The following SPHKAP variants were observed in gnomAD, a reference collection of about 807,000 sequenced individuals.
SPHKAP encodes A-kinase anchor protein SPHKAP.
In SPHKAP, 67 loss-of-function variants were observed where a neutral mutation model predicts 137.5. The observed-to-expected ratio is 0.49, with a 90% confidence interval of 0.40 to 0.60. SPHKAP has a LOEUF of 0.60. SPHKAP is among the 20% of genes least tolerant of loss of function. The pLI is 0.00. For missense variants in SPHKAP, 2,097 were observed against 2,069.3 expected, an observed-to-expected ratio of 1.01 and a Z score of -0.26; for synonymous variants, 813 against 785.3, an observed-to-expected ratio of 1.04 and a Z score of -0.59.
intron 3 of SPHKAP, among the ~76,000 whole-genome samples, chr2:228,069,714 A>T (rs1247055504): frequency 6.6e-6 from 1 of 152,192 alleles, no homozygotes; most frequent in Admixed American, 6.5e-5. Context: ...TAATGCACAG[A>T]TAACGGGTAC....
Position 228,017,397 on chromosome 2 carries a change from C to T in SPHKAP, c.3457G>A (p.Gly1153Ser), listed in dbSNP as rs1559348537. 1.9e-6 allele frequency: 3 copies of T among 1,614,068 alleles called. No individual in the cohort carries two copies. Among genetic ancestry groups the T allele is most frequent in the Non-Finnish European group, 1.7e-6 (2 of 1,180,004 alleles). Residue 1153 changes from glycine to serine, a missense_variant, in exon 7 of 12, where the codon GGC becomes AGC. By Grantham distance (56) the Gly-to-Ser change is moderately conservative. Transcript: ENST00000392056. ...GFELLLDYYA[G>S]KNASSILNSA... ...TTCAGAATGCTGCTGGCGTTCTTGC[C>T]AGCATAGTAATCCAGCAGTAACTCA...
At chr2:228,074,836 C>T (rs978605649) in intron 3 of SPHKAP, among the ~76,000 whole-genome samples, 10 of 152,118 alleles carry the variant, frequency 6.6e-5, no homozygotes, top group Non-Finnish European at 1.5e-4. Context: ...TCTTCCTTCT[C>T]TCTCTCTCCT....
chr2:228,001,264 T>TATATCTATAC (rs1559339469), intron 7 of SPHKAP, among the ~76,000 whole-genome samples: 1 of 119,014 alleles, frequency 8.4e-6, no homozygotes, highest in Non-Finnish European at 1.7e-5. Flanking sequence ...CACACACACA[T>TATATCTATAC]ATATAAATAT....
intron 2 of SPHKAP, among the ~76,000 whole-genome samples, chr2:228,121,384 C>T (rs771782890): frequency 2.8e-4 from 42 of 152,282 alleles, no homozygotes; most frequent in Admixed American, 4.6e-4. Context: ...GGCATGGTGC[C>T]TTGCACCTAT....
intron 3 of SPHKAP, among the ~76,000 whole-genome samples, chr2:228,076,525 G>A (rs11890617): frequency 0.01 from 1,544 of 152,304 alleles, 30 homozygotes; most frequent in African/African-American, 0.035. Context: ...GGGAATTGGA[G>A]CAAAGGTGAC....
chr2:228,010,425 G>C (rs767150151), intron 7 of SPHKAP, among the ~76,000 whole-genome samples: 5 of 152,114 alleles, frequency 3.3e-5, no homozygotes, highest in Non-Finnish European at 7.4e-5. Flanking sequence ...CCAGCTACTC[G>C]GGAGGCTGAG....
At chr2:228,167,746 A>G (rs1261814829) in intron 1 of SPHKAP, among the ~76,000 whole-genome samples, 2 of 152,186 alleles carry the variant, frequency 1.3e-5, no homozygotes, top group Non-Finnish European at 2.9e-5. Flanking sequence ...TCAAAATTAT[A>G]GGCTTGTAGG....
intron 11 of SPHKAP, chr2:227,982,131 T>A: frequency 1.0e-6 from 1 of 985,202 alleles, no homozygotes; most frequent in Non-Finnish European, 1.2e-6. Flanking sequence ...ATTCTTTTTT[T>A]TTTAAGAGCC....
chr2:227,985,250 C>A (rs1224358110), intron 11 of SPHKAP, among the ~76,000 whole-genome samples: 1 of 152,106 alleles, frequency 6.6e-6, no homozygotes, highest in African/African-American at 2.4e-5. Context: ...AATGGTCTGG[C>A]CCCACTAAAT....
At chr2:228,075,841 A>C (rs951784871) in intron 3 of SPHKAP, among the ~76,000 whole-genome samples, 2 of 152,240 alleles carry the variant, frequency 1.3e-5, no homozygotes, top group Admixed American at 1.3e-4. Flanking sequence ...CAAAATTGTT[A>C]TGAAAAGGTT....
Position 228,025,022 on chromosome 2 carries a change from G to A in SPHKAP, c.441+372C>T, listed in dbSNP as rs375354429. Among the ~76,000 whole-genome samples, 22 of 152,250 alleles carry A rather than the reference G, an allele frequency of 1.4e-4. No individual in the cohort carries two copies. In the East Asian group the frequency reaches 3.7e-3, roughly 25 times the overall value. ...AAGGAATACATAACATCTGAAAGAT[G>A]ATATTGTGGGATTCTGAAATAGAAT... On this transcript the variant is annotated intron_variant, in intron 5 of 11. Coordinates refer to ENST00000392056, the MANE Select transcript of SPHKAP (RefSeq NM_001142644.2).
At chr2:228,131,915 A>G in intron 2 of SPHKAP, 65 bp downstream of exon 2, 2 of 1,566,550 alleles carry the variant, frequency 1.3e-6, no homozygotes, top group Non-Finnish European at 1.8e-6. Context: ...GAGTGCTTAA[A>G]ATTTCGAATT....
At chr2:228,133,647 C>A (rs1450281167) in intron 1 of SPHKAP, among the ~76,000 whole-genome samples, 1 of 152,134 alleles carries the variant, frequency 6.6e-6, no homozygotes, top group Non-Finnish European at 1.5e-5. Context: ...TTCAATGCAA[C>A]ATGTAGATGG....
chr2:228,050,601 C>A (rs1052077508), intron 3 of SPHKAP, among the ~76,000 whole-genome samples: 1 of 152,178 alleles, frequency 6.6e-6, no homozygotes, highest in Non-Finnish European at 1.5e-5. Flanking sequence ...ACTGAAATAT[C>A]TATCACCTTC....
intron 3 of SPHKAP, among the ~76,000 whole-genome samples, chr2:228,066,658 C>T (rs61583071): frequency 0.019 from 2,857 of 152,218 alleles, 87 homozygotes; most frequent in African/African-American, 0.062. Context: ...GAGCACAAAG[C>T]GTCTTGGTCT....
intron 4 of SPHKAP, chr2:228,025,909 C>G: frequency 1.0e-6 from 1 of 980,306 alleles, no homozygotes; most frequent in Middle Eastern, 5.2e-4. Flanking sequence ...TGGCTTGGCT[C>G]TGTGTCCCCA....
intron 3 of SPHKAP, among the ~76,000 whole-genome samples, chr2:228,080,857 T>G (rs1282072046): frequency 1.3e-5 from 2 of 152,074 alleles, no homozygotes; most frequent in Non-Finnish European, 2.9e-5. Flanking sequence ...AGATAGCAAG[T>G]GTTGGAGAGG....
chr2:228,092,177 A>G (rs1380890756), intron 3 of SPHKAP, among the ~76,000 whole-genome samples: 8 of 45,838 alleles, frequency 1.7e-4, no homozygotes, highest in East Asian at 5.0e-4. Flanking sequence ...GTACACACAC[A>G]TGTGTGTACA....
At chr2:228,122,106 T>C (rs943448166) in intron 2 of SPHKAP, among the ~76,000 whole-genome samples, 2 of 152,086 alleles carry the variant, frequency 1.3e-5, no homozygotes, top group Non-Finnish European at 2.9e-5. Context: ...ATTAGATATA[T>C]TCAATGTAAA....
Sources: allele counts gnomAD v4.1 joint callset (sites outside exome capture counted in the v4.1 genomes callset), GRCh38; gene constraint gnomAD v4.1.1; transcripts MANE v1.5; gene names NCBI Gene and HGNC (gene_info 2026-07-23, HGNC 2026-07-21).